PCDHA9: variants seen among roughly 807,000 people sequenced by gnomAD.
The protein encoded by PCDHA9 is protocadherin alpha-9.
PCDHA9 carries 62 observed loss-of-function variants against 62.0 expected under a neutral mutation model. The ratio of observed to expected loss-of-function variants is 1.00; its 90% CI spans 0.81 to 1.23. PCDHA9 has a LOEUF of 1.23. PCDHA9 is among the 50% of genes most tolerant of loss of function. The pLI is 0.00. For synonymous variants in PCDHA9, 557 were observed against 567.6 expected (o/e 0.98, Z 0.27); for missense variants, 1,205 against 1,249.8 (o/e 0.96, Z 0.54).
At chr5:140,896,430 T>C (rs543866183) in intron 1 of PCDHA9, among the ~76,000 whole-genome samples, 41 of 152,158 alleles carry the variant, frequency 2.7e-4, no homozygotes, top group Non-Finnish European at 4.4e-4. Context: ...CCATTCTGAC[T>C]GGTGTGACTG....
chr5:140,945,321 A>G (rs558331825), intron 1 of PCDHA9, among the ~76,000 whole-genome samples: 1 of 152,258 alleles, frequency 6.6e-6, no homozygotes, highest in Non-Finnish European at 1.5e-5. Flanking sequence ...AAATGGAAAT[A>G]TATTTTATGT....
chr5:140,853,297 G>T, intron 1 of PCDHA9: 1 of 981,768 alleles, frequency 1.0e-6, no homozygotes, highest in Non-Finnish European at 1.2e-6. Context: ...TCTCAGAAGG[G>T]CTGTGAACAC....
At chr5:140,851,652 C>T (rs628890) in intron 1 of PCDHA9, 5 of 909,694 alleles carry the variant, frequency 5.5e-6, no homozygotes, top group Middle Eastern at 5.6e-4. Flanking sequence ...TTCAAGAAGA[C>T]ATTCTCCTTT....
At position 141,003,456 on chromosome 5, in the gene PCDHA9, C is replaced by T. The variant is rs187279966; in HGVS notation, c.2543-6171C>T. Among the ~76,000 whole-genome samples the T allele has an allele frequency of 1.2e-3, 188 of 152,136 alleles. 1 individual carries two copies. The highest frequency in any genetic ancestry group is 4.1e-3 in the African/African-American group (172 of 41,508). On this transcript the variant is annotated intron_variant, in intron 3 of 3. Transcript: ENST00000532602. ...CCTCCCAAGTAGATGAAATTACAGGCGTGCACCACCACAGTCTCGCTAATT... is the reference window on the plus strand; with the variant it reads ...CCTCCCAAGTAGATGAAATTACAGGTGTGCACCACCACAGTCTCGCTAATT...
chr5:140,877,243 G>A lies in PCDHA9; in HGVS notation c.2394+26354G>A, dbSNP rs201483899. ...GCGGTCGGTGGGTGCGGGCCACGTG[G>A]TGGCGAAAGTGCGCGCGGTGGACGC... On this transcript the variant is annotated intron_variant, in intron 1 of 3. Transcript: ENST00000532602. The A allele has an allele frequency of 1.2e-5, 20 of 1,613,724 alleles. No individual in the cohort carries two copies. In the African/African-American group the frequency reaches 2.7e-4, roughly 22 times the overall value.
At chr5:140,922,476 G>C (rs1473614127) in intron 1 of PCDHA9, among the ~76,000 whole-genome samples, 2 of 152,184 alleles carry the variant, frequency 1.3e-5, no homozygotes, top group African/African-American at 4.8e-5. Context: ...AGGAGAGAAG[G>C]CAGGACTAAA....
chr5:140,889,814 CATA>C (rs1463937516), intron 1 of PCDHA9, among the ~76,000 whole-genome samples: 6 of 152,048 alleles, frequency 3.9e-5, no homozygotes, highest in Non-Finnish European at 7.4e-5. Context: ...GAAGTCAGGT[CATA>C]AGAAGTCTTA....
intron 1 of PCDHA9, among the ~76,000 whole-genome samples, chr5:140,938,453 G>A (rs558258483): frequency 6.6e-6 from 1 of 151,990 alleles, no homozygotes; most frequent in African/African-American, 2.4e-5. Context: ...AGTTCCCTTT[G>A]TTTTTTAATT....
chr5:140,966,984 G>C lies in PCDHA9; in HGVS notation c.2395-11965G>C, dbSNP rs1217682338. ...CTGGGGCTTGAGCTGCGGCGCTTGGGGCCGGGTTGCTTGCGCATCAACCAT... is the reference window on the plus strand; with the variant it reads ...CTGGGGCTTGAGCTGCGGCGCTTGGCGCCGGGTTGCTTGCGCATCAACCAT... On this transcript the variant is annotated intron_variant, in intron 1 of 3. Transcript: ENST00000532602. 21 of 1,603,802 alleles carry C rather than the reference G, an allele frequency of 1.3e-5. No homozygotes were observed. The East Asian group carries it at 4.5e-4, about 34-fold the overall frequency.
At position 140,856,908 on chromosome 5, in the gene PCDHA9, C is replaced by G. The variant is rs1319775845; in HGVS notation, c.2394+6019C>G. 7 of 1,595,460 alleles carry G rather than the reference C, an allele frequency of 4.4e-6. 1 individual carries two copies. The African/African-American group carries it at 9.4e-5, about 22-fold the overall frequency. On this transcript the variant is annotated intron_variant, in intron 1 of 3. Coordinates refer to ENST00000532602, the MANE Select transcript of PCDHA9 (RefSeq NM_031857.2). ...TCATTTAGCTCTTTGGTCCCACCCA[C>G]GATAAGAAGGAAATTTTGGATAAAC...
At chr5:140,967,120 G>C in intron 1 of PCDHA9, 1 of 1,612,860 alleles carries the variant, frequency 6.2e-7, no homozygotes, top group East Asian at 2.2e-5. Flanking sequence ...CTCGCTGCCT[G>C]CTCAGCTTGG....
intron 1 of PCDHA9, among the ~76,000 whole-genome samples, chr5:140,939,008 T>C (rs1348323675): frequency 6.6e-6 from 1 of 152,234 alleles, no homozygotes; most frequent in Non-Finnish European, 1.5e-5. Context: ...TTAAGAAGTG[T>C]TACTTTTCTT....
chr5:140,978,890 A>G (rs2096827624), intron 1 of PCDHA9, 59 bp from the exon 2 acceptor site: 1 of 1,612,616 alleles, frequency 6.2e-7, no homozygotes. Context: ...AATTAGCAGC[A>G]TTCCTGGGAG....
chr5:140,967,985 A>C, intron 1 of PCDHA9: 1 of 1,614,218 alleles, frequency 6.2e-7, no homozygotes, highest in Non-Finnish European at 8.5e-7. Context: ...TCTGGAGGCC[A>C]CACTGCCTTT....
intron 1 of PCDHA9, among the ~76,000 whole-genome samples, chr5:140,880,237 T>C (rs2058279701): frequency 6.6e-6 from 1 of 152,148 alleles, no homozygotes; most frequent in Non-Finnish European, 1.5e-5. Flanking sequence ...AATTAGTGTA[T>C]GTGCGTGTGT....
intron 1 of PCDHA9, chr5:140,882,970 C>A (rs111935814): frequency 1.2e-6 from 2 of 1,614,130 alleles, no homozygotes; most frequent in African/African-American, 1.3e-5. Flanking sequence ...CGATTCTGGA[C>A]GTGAATGACA....
intron 1 of PCDHA9, among the ~76,000 whole-genome samples, chr5:140,873,597 T>C (rs2054375206): frequency 6.6e-6 from 1 of 152,354 alleles, no homozygotes; most frequent in Middle Eastern, 3.4e-3. Context: ...TAAACTTAGA[T>C]GTTCCTATTG....
At chr5:141,000,052 C>G (rs945182675) in intron 3 of PCDHA9, among the ~76,000 whole-genome samples, 2 of 152,100 alleles carry the variant, frequency 1.3e-5, no homozygotes, top group Admixed American at 1.3e-4. Flanking sequence ...CACCACTCTC[C>G]CAGCTGCTCT....
At chr5:140,977,599 AC>A (rs782213571) in intron 1 of PCDHA9, among the ~76,000 whole-genome samples, 1 of 152,150 alleles carries the variant, frequency 6.6e-6, no homozygotes, top group Non-Finnish European at 1.5e-5. Context: ...GCATGTGAGG[AC>A]CATTGAGGTA....
Sources: allele counts gnomAD v4.1 joint callset (sites outside exome capture counted in the v4.1 genomes callset), GRCh38; gene constraint gnomAD v4.1.1; transcripts MANE v1.5; gene names NCBI Gene and HGNC (gene_info 2026-07-23, HGNC 2026-07-21).